The following ANXA10 variants were observed in gnomAD, a reference collection of about 807,000 sequenced individuals.
ANXA10 encodes the protein annexin 14.
A neutral mutation model predicts 53.5 loss-of-function variants in ANXA10; 49 were observed. The ratio of observed to expected loss-of-function variants is 0.92; its 90% CI spans 0.73 to 1.16. The LOEUF is 1.16. Ranked by LOEUF, ANXA10 falls within the 50% of genes most tolerant of loss-of-function variation. The pLI is 0.00. For synonymous variants in ANXA10, 131 were observed against 128.9 expected (o/e 1.02, Z -0.11); for missense variants, 393 against 394.4 (o/e 1.00, Z 0.03).
At chr4:168,153,863 C>T (rs1436689694) in intron 3 of ANXA10, among the ~76,000 whole-genome samples, 2 of 152,110 alleles carry the variant, frequency 1.3e-5, no homozygotes, top group African/African-American at 4.8e-5. Flanking sequence ...CCTAAAAACC[C>T]TACCTCCAGA....
intron 1 of ANXA10, among the ~76,000 whole-genome samples, chr4:168,116,218 C>T (rs895444294): frequency 6.6e-6 from 1 of 152,006 alleles, no homozygotes; most frequent in African/African-American, 2.4e-5. Flanking sequence ...GGGATACAAT[C>T]CATATAGACA....
At chr4:168,166,631 CGTGTGTGTGTGTGTGTGTGTGTGTGT>C (rs34797848) in intron 6 of ANXA10, among the ~76,000 whole-genome samples, 13 of 136,796 alleles carry the variant, frequency 9.5e-5, no homozygotes, top group African/African-American at 2.4e-4. Flanking sequence ...TTTTGTGTTT[CGTGTGTGTGTGTGTGTGTGTGTGTGT>C]GTGTGTGTGT....
chr4:168,140,618 C>CG (rs1553998635), intron 3 of ANXA10, among the ~76,000 whole-genome samples: 1 of 147,050 alleles, frequency 6.8e-6, no homozygotes. Flanking sequence ...TAAGAAATGT[C>CG]TTTTTTTTTT....
chr4:168,173,789 G>A (rs2149479711), intron 6 of ANXA10, among the ~76,000 whole-genome samples: 1 of 152,274 alleles, frequency 6.6e-6, no homozygotes, highest in South Asian at 2.1e-4. Context: ...GCTTTCCTCT[G>A]GTTGATCCCC....
At chr4:168,140,344 C>T (rs1731305376) in intron 3 of ANXA10, among the ~76,000 whole-genome samples, 1 of 152,152 alleles carries the variant, frequency 6.6e-6, no homozygotes, top group African/African-American at 2.4e-5. Context: ...CTCTAAACCC[C>T]AGTCTTTGAA....
In ANXA10 at chr4:168,116,584, A is replaced by G. The variant is rs186702945; in HGVS notation, c.19-11500A>G. 2.7e-4 allele frequency among the ~76,000 whole-genome samples: 41 copies of G among 152,226 alleles called. No individual in the cohort carries two copies. The East Asian group carries it at 7.4e-3, about 27-fold the overall frequency. ...CTCCCCCACCCCCCAAAAAATAACT[A>G]GAAGTTTCAGTAAGCTACTGAATCA... On this transcript the variant is annotated intron_variant, in intron 1 of 11. Transcript: ENST00000359299.
At chr4:168,158,922 A>T (rs1385179035) in intron 3 of ANXA10, among the ~76,000 whole-genome samples, 1 of 152,104 alleles carries the variant, frequency 6.6e-6, no homozygotes, top group Non-Finnish European at 1.5e-5. Flanking sequence ...CATGAGTAAT[A>T]TGTTCCCCTT....
chr4:168,185,928 A>G (rs1426540619), intron 11 of ANXA10, among the ~76,000 whole-genome samples: 1 of 152,236 alleles, frequency 6.6e-6, no homozygotes, highest in Admixed American at 6.5e-5. Context: ...GGTTTCTAAG[A>G]GGAAGAGTTG....
chr4:168,150,568 C>G (rs1172752405), intron 3 of ANXA10, among the ~76,000 whole-genome samples: 1 of 152,096 alleles, frequency 6.6e-6, no homozygotes, highest in Non-Finnish European at 1.5e-5. Flanking sequence ...AAGAATAAGA[C>G]AGAAATTTAT....
chr4:168,184,596 T>C lies in ANXA10; in HGVS notation c.821T>C (p.Leu274Pro), dbSNP rs775395368. 8 of 1,613,910 alleles carry C rather than the reference T, an allele frequency of 5.0e-6. No homozygotes were observed. Among genetic ancestry groups the C allele is most frequent in the Admixed American group, 3.3e-5 (2 of 59,998 alleles). Residue 274 changes from leucine to proline, a missense_variant, in exon 11 of 12, where the codon CTC becomes CCC. Leu to Pro is a moderately conservative substitution (Grantham distance 98). Coordinates refer to ENST00000359299, the MANE Select transcript of ANXA10 (RefSeq NM_007193.5). ...GFHNKTVIRI[L>P]IARSEIDLLT... Reference sequence around the variant, plus strand: ...CATAATAAAACTGTAATCAGGATTCTCATTGCCAGAAGTGAAATAGACCTG... The same window carrying C: ...CATAATAAAACTGTAATCAGGATTCCCATTGCCAGAAGTGAAATAGACCTG...
rs375092202 is a variant in ANXA10 at position 168,169,393 on chromosome 4, C to T, written c.480+4067C>T. ...AGTTCCATTATAAGCCATTATAAAT[C>T]CTAATATCAAACAAGTTTTTATTGC... On this transcript the variant is annotated intron_variant, in intron 6 of 11. Coordinates refer to ENST00000359299, the MANE Select transcript of ANXA10 (RefSeq NM_007193.5). 3.3e-5 allele frequency among the ~76,000 whole-genome samples: 5 copies of T among 152,266 alleles called. No homozygotes were observed. The South Asian group carries it at 6.2e-4, about 19-fold the overall frequency.
intron 6 of ANXA10, among the ~76,000 whole-genome samples, 158 bp downstream of exon 6, chr4:168,165,484 T>C (rs1459150104): frequency 6.6e-6 from 1 of 151,696 alleles, no homozygotes; most frequent in Non-Finnish European, 1.5e-5. Flanking sequence ...ATGTTCAAAA[T>C]ACTCAACTAG....
chr4:168,165,226 T>G lies in ANXA10; in HGVS notation c.401-21T>G. 6.2e-6 allele frequency: 9 copies of G among 1,459,960 alleles called. 1 individual carries two copies. The highest frequency in any genetic ancestry group is 2.5e-5 in the South Asian group (2 of 80,130). The allele number at this position is 1,459,960 out of a possible 1,614,324, so 90.4% of individuals were successfully genotyped here. ...CATAGTTCTATAATAAATCATACCTTTAACATGTTTTCTTATACAGAATAC... is the reference window on the plus strand; with the variant it reads ...CATAGTTCTATAATAAATCATACCTGTAACATGTTTTCTTATACAGAATAC... On this transcript the variant is annotated intron_variant, in intron 5 of 11. Transcript: ENST00000359299.
At chr4:168,157,941 A>G (rs1196788748) in intron 3 of ANXA10, among the ~76,000 whole-genome samples, 1 of 152,078 alleles carries the variant, frequency 6.6e-6, no homozygotes, top group Non-Finnish European at 1.5e-5. Context: ...ATAAATGTTC[A>G]TTTTTGTTGG....
intron 1 of ANXA10, among the ~76,000 whole-genome samples, chr4:168,118,518 T>A (rs1439957297): frequency 6.6e-6 from 1 of 152,206 alleles, no homozygotes; most frequent in East Asian, 1.9e-4. Context: ...CAGTAGGGAT[T>A]CTATGATGGC....
At chr4:168,166,686 A>T (rs1731887769) in intron 6 of ANXA10, among the ~76,000 whole-genome samples, 1 of 140,842 alleles carries the variant, frequency 7.1e-6, no homozygotes. Flanking sequence ...GTGTGTTTGA[A>T]ATGAAGCAAG....
intron 2 of ANXA10, among the ~76,000 whole-genome samples, chr4:168,135,821 C>T (rs1454108141): frequency 6.6e-6 from 1 of 152,164 alleles, no homozygotes; most frequent in Admixed American, 6.5e-5. Context: ...AGCCATATCT[C>T]TCTATTCAAC....
intron 10 of ANXA10, 112 bp from the exon 11 acceptor site, chr4:168,184,447 A>C (rs1732324049): frequency 1.5e-6 from 2 of 1,297,164 alleles, no homozygotes; most frequent in African/African-American, 3.0e-5. Context: ...CCAGTGTTGG[A>C]AGAACTCAGG....
intron 1 of ANXA10, among the ~76,000 whole-genome samples, chr4:168,111,564 A>C (rs953042967): frequency 2.6e-5 from 4 of 152,184 alleles, no homozygotes; most frequent in African/African-American, 9.7e-5. Flanking sequence ...CCAGGCTGCC[A>C]ATTAGTAAGC....
Sources: allele counts gnomAD v4.1 joint callset (sites outside exome capture counted in the v4.1 genomes callset), GRCh38; gene constraint gnomAD v4.1.1; transcripts MANE v1.5; gene names NCBI Gene and HGNC (gene_info 2026-07-23, HGNC 2026-07-21).